DST: variants seen among roughly 807,000 people sequenced by gnomAD.
DST encodes the protein dystonin.
In DST, 253 loss-of-function variants were observed where a neutral mutation model predicts 875.2. The observed-to-expected ratio is 0.29, with a 90% confidence interval of 0.26 to 0.32. The LOEUF is 0.32. Ranked by LOEUF, DST falls within the 10% of genes least tolerant of loss-of-function variation. The pLI is 1.00. For missense variants in DST, 8,287 were observed against 9,111.6 expected (o/e 0.91, Z 3.68); for synonymous variants, 3,124 against 3,197.1 (o/e 0.98, Z 0.77).
At chr6:56,487,073 A>T (rs534066484) in intron 87 of DST, 31 bp downstream of exon 87, 49 of 1,610,380 alleles carry the variant, frequency 3.0e-5, no homozygotes, top group Non-Finnish European at 4.0e-5. Context: ...AGGTCTACAG[A>T]GTAACCAAAC....
At position 56,511,207 on chromosome 6, in the gene DST, T is replaced by G; in HGVS notation, c.18770A>C (p.Gln6257Pro). Reference sequence around the variant, plus strand: ...AGTGTAAACAATTACCTGAGTTGATTGAGAAATGGCTTCATCCAGTGCCAC... The same window carrying G: ...AGTGTAAACAATTACCTGAGTTGATGGAGAAATGGCTTCATCCAGTGCCAC... ...RAVALDEAIS[Q>P]STQFHDKIDQ... Residue 6257 changes from glutamine (Q) to proline (P), a missense_variant, in exon 73 of 104, where the codon CAA (glutamine) becomes CCA (proline). Transcript: ENST00000680361. 6.3e-7 allele frequency: 1 copy of G among 1,580,942 alleles called. No homozygotes were observed. Among genetic ancestry groups the G allele is most frequent in the East Asian group, 2.3e-5 (1 of 43,742 alleles).
chr6:56,557,180 A>AT (rs1486399841), intron 59 of DST, 139 bp downstream of exon 59: 2 of 742,470 alleles, frequency 2.7e-6, no homozygotes, highest in African/African-American at 1.8e-5. Flanking sequence ...TCTTATGGGC[A>AT]TCTGAAACAT....
In DST at chr6:56,553,019, G is replaced by T. The variant is rs2097346956; in HGVS notation, c.15773C>A (p.Thr5258Asn). ...KSLIQKVDMVTEQLHSKKFCL... is the reference protein window; with the variant it reads ...KSLIQKVDMVNEQLHSKKFCL... ...GAATTTCTTACTGTGAAGTTGTTCA[G>T]TGACCATGTCCACCTTCTGGATCAG... The change falls in exon 61 of 104, where the codon ACT (threonine) becomes AAT (asparagine). Residue 5258 changes from threonine (T) to asparagine (N), a missense_variant. Coordinates refer to ENST00000680361, the MANE Select transcript of DST (RefSeq NM_001374736.1). 1.2e-6 allele frequency: 2 copies of T among 1,613,918 alleles called. No homozygotes were observed.
chr6:56,758,826 A>C (rs1274327954), intron 4 of DST, among the ~76,000 whole-genome samples: 1 of 152,240 alleles, frequency 6.6e-6, no homozygotes, highest in Non-Finnish European at 1.5e-5. Context: ...GCAGCAAGGC[A>C]GAGGCTGCAT....
In DST at chr6:56,534,219, T is replaced by A. The variant is rs1157985075; in HGVS notation, c.16941+903A>T. Among the ~76,000 whole-genome samples the A allele has an allele frequency of 2.0e-5, 3 of 152,322 alleles. No homozygotes were observed. In the East Asian group the frequency reaches 5.8e-4, roughly 29 times the overall value. ...ATTAAAAAAAATTAATGTAAAATTTTAAAAAATTTCTTTGAGTTTTAAAAT... is the reference window on the plus strand; with the variant it reads ...ATTAAAAAAAATTAATGTAAAATTTAAAAAAATTTCTTTGAGTTTTAAAAT... On this transcript the variant is annotated intron_variant, in intron 63 of 103. Coordinates refer to ENST00000680361, the MANE Select transcript of DST (RefSeq NM_001374736.1).
intron 24 of DST, among the ~76,000 whole-genome samples, chr6:56,635,158 C>T (rs1484289356): frequency 6.6e-6 from 1 of 152,102 alleles, no homozygotes; most frequent in Non-Finnish European, 1.5e-5. Flanking sequence ...TTGGCATTTA[C>T]ACTACCTAAC....
At chr6:56,780,684 C>T (rs2099691572) in intron 4 of DST, among the ~76,000 whole-genome samples, 1 of 151,232 alleles carries the variant, frequency 6.6e-6, no homozygotes, top group Admixed American at 6.6e-5. Context: ...GTTGCCTGTT[C>T]ACTCTGATGG....
intron 2 of DST, among the ~76,000 whole-genome samples, chr6:56,916,772 TCTCTCTCACA>T (rs1238372156): frequency 9.9e-6 from 1 of 100,618 alleles, no homozygotes; most frequent in Non-Finnish European, 2.0e-5. Flanking sequence ...TCTCTCTCTC[TCTCTCTCACA>T]CACACACACA....
At chr6:56,801,025 G>GAAA (rs34514599) in intron 4 of DST, among the ~76,000 whole-genome samples, 12 of 66,900 alleles carry the variant, frequency 1.8e-4, no homozygotes, top group South Asian at 5.7e-4. Flanking sequence ...GTCTCAGGGA[G>GAAA]AAAAAAAAAA....
intron 87 of DST, among the ~76,000 whole-genome samples, 152 bp downstream of exon 87, chr6:56,486,952 C>T (rs1582871171): frequency 6.6e-6 from 1 of 152,038 alleles, no homozygotes; most frequent in Non-Finnish European, 1.5e-5. Flanking sequence ...CTTCTCAATG[C>T]AAGTGCTATG....
intron 3 of DST, among the ~76,000 whole-genome samples, chr6:56,867,719 C>T (rs1357112503): frequency 6.6e-6 from 1 of 151,796 alleles, no homozygotes; most frequent in East Asian, 1.9e-4. Context: ...GCCAGCTATT[C>T]GGGAGGCTGA....
At chr6:56,928,655 G>A (rs73463735) in intron 2 of DST, among the ~76,000 whole-genome samples, 2,931 of 152,084 alleles carry the variant, frequency 0.019, 92 homozygotes, top group African/African-American at 0.066. Context: ...CACTATTTGC[G>A]GATGATATGT....
At chr6:56,864,288 G>A (rs920213955) in intron 3 of DST, among the ~76,000 whole-genome samples, 10 of 152,132 alleles carry the variant, frequency 6.6e-5, no homozygotes, top group African/African-American at 2.4e-4. Flanking sequence ...AGATCTCCCA[G>A]CCCAATTGCA....
Position 56,474,000 on chromosome 6 carries a change from G to A in DST, c.21867C>T (p.Thr7289=). 6.4e-7 allele frequency: 1 copy of A among 1,572,280 alleles called. No homozygotes were observed. Among genetic ancestry groups the A allele is most frequent in the Non-Finnish European group, 8.6e-7 (1 of 1,156,908 alleles). ...GTTTTCTGGTCATTTCCTCCATGAA[G>A]GTCTGAAATGAAAGAAATGATGTCA... is the stretch of plus-strand genomic sequence containing the variant. ...EVKALIAEHQ[T]FMEEMTRKQP... is the part of the protein sequence containing the mutation. The change falls in exon 93 of 104, where the codon ACC becomes ACT. Residue 7289 remains threonine, a splice_region_variant and synonymous_variant. Transcript: ENST00000680361.
intron 17 of DST, among the ~76,000 whole-genome samples, chr6:56,641,043 C>T (rs2098893679): frequency 6.6e-6 from 1 of 150,560 alleles, no homozygotes. Flanking sequence ...TTTAGAATTA[C>T]TATAGATTCC....
intron 74 of DST, among the ~76,000 whole-genome samples, chr6:56,509,135 C>T (rs1183080438): frequency 6.6e-6 from 1 of 152,162 alleles, no homozygotes; most frequent in Non-Finnish European, 1.5e-5. Flanking sequence ...AGGAATGTAA[C>T]AATGTATGGT....
chr6:56,744,749 C>T (rs146986477), intron 4 of DST, among the ~76,000 whole-genome samples: 2 of 152,296 alleles, frequency 1.3e-5, no homozygotes, highest in East Asian at 3.9e-4. Context: ...ACTCTAGTAA[C>T]ACCTCACTTG....
At chr6:56,875,129 G>A (rs1393625185) in intron 3 of DST, among the ~76,000 whole-genome samples, 2 of 151,940 alleles carry the variant, frequency 1.3e-5, no homozygotes, top group African/African-American at 4.8e-5. Flanking sequence ...GACTACAGGC[G>A]CCCGCCACCA....
At chr6:56,931,697 A>C (rs1188348114) in intron 2 of DST, among the ~76,000 whole-genome samples, 1 of 152,240 alleles carries the variant, frequency 6.6e-6, no homozygotes, top group South Asian at 2.1e-4. Flanking sequence ...ACCTGGAGTC[A>C]CAGAAGATCA....
Sources: gnomAD v4.1 joint callset for allele counts (sites outside exome capture counted in the v4.1 genomes callset) on GRCh38, gnomAD v4.1.1 for gene constraint, MANE v1.5 for transcripts, NCBI Gene and HGNC (gene_info 2026-07-23, HGNC 2026-07-21) for gene names.